TENM2: variants seen among roughly 807,000 people sequenced by gnomAD.
The protein encoded by TENM2 is teneurin transmembrane protein 2.
Under a neutral mutation model 245.2 loss-of-function variants are expected in TENM2, and 52 were observed. The ratio of observed to expected loss-of-function variants is 0.21; its 90% CI spans 0.17 to 0.27. The LOEUF is 0.27. Ranked by LOEUF, TENM2 falls within the 10% of genes least tolerant of loss-of-function variation. TENM2 has a pLI of 1.00. For missense variants in TENM2, 3,046 were observed against 3,666.8 expected (o/e 0.83, Z 4.37); for synonymous variants, 1,363 against 1,438.9 (o/e 0.95, Z 1.19).
intron 13 of TENM2, among the ~76,000 whole-genome samples, chr5:168,181,237 G>A (rs1196405707): frequency 6.6e-6 from 1 of 152,198 alleles, no homozygotes; most frequent in African/African-American, 2.4e-5. Flanking sequence ...TTTGTTTTTG[G>A]TTTTTGTCCA....
intron 1 of TENM2, among the ~76,000 whole-genome samples, chr5:167,372,665 G>A (rs1448595429): frequency 1.3e-5 from 2 of 152,218 alleles, no homozygotes; most frequent in Admixed American, 6.5e-5. Flanking sequence ...ATGTGTTTTA[G>A]TTTGGGTTTT....
At chr5:167,075,969 C>G in the TENM2 span, among the ~76,000 whole-genome samples, 1 of 152,170 alleles carries the variant, frequency 6.6e-6, no homozygotes, top group Non-Finnish European at 1.5e-5. Context: ...ATAAGCCAGT[C>G]TTTTCCCAGG....
chr5:167,290,594 G>C (rs116786976), intron 1 of TENM2, among the ~76,000 whole-genome samples: 439 of 152,062 alleles, frequency 2.9e-3, no homozygotes, highest in African/African-American at 9.8e-3. Context: ...CTTTTTTCCA[G>C]CTTGTTCATA....
At chr5:168,125,933 T>C (rs1795816455) in intron 11 of TENM2, among the ~76,000 whole-genome samples, 1 of 151,980 alleles carries the variant, frequency 6.6e-6, no homozygotes, top group African/African-American at 2.4e-5. Flanking sequence ...TTTGAGTGAG[T>C]CACTGGCCCC....
chr5:167,287,227 A>C (rs1321502676), intron 1 of TENM2: 9 of 152,246 alleles, frequency 5.9e-5, no homozygotes, highest in Admixed American at 4.6e-4. Flanking sequence ...AACAGGAGAT[A>C]CAATCTGGCA....
At chr5:167,035,909 A>G in the TENM2 span, among the ~76,000 whole-genome samples, 257 of 152,112 alleles carry the variant, frequency 1.7e-3, no homozygotes, top group Non-Finnish European at 3.1e-3. Flanking sequence ...CGCCCAGATA[A>G]TTTTTGTATT....
intron 1 of TENM2, among the ~76,000 whole-genome samples, chr5:167,330,129 T>C (rs1190022806): frequency 6.6e-6 from 1 of 152,184 alleles, no homozygotes; most frequent in African/African-American, 2.4e-5. Flanking sequence ...TGTTTCCTTA[T>C]AGTATAAAAG....
intron 2 of TENM2, among the ~76,000 whole-genome samples, chr5:167,795,848 A>C (rs1765278639): frequency 6.6e-6 from 1 of 152,224 alleles, no homozygotes; most frequent in Admixed American, 6.5e-5. Context: ...AACGTTGAGA[A>C]GACTTCGAGG....
the TENM2 span, among the ~76,000 whole-genome samples, chr5:167,184,123 A>T: frequency 6.6e-6 from 1 of 152,228 alleles, no homozygotes; most frequent in South Asian, 2.1e-4. Flanking sequence ...GAATTATACT[A>T]ATTCCTGTTG....
intron 2 of TENM2, among the ~76,000 whole-genome samples, chr5:167,697,875 A>G (rs1213994794): frequency 6.6e-6 from 1 of 152,170 alleles, no homozygotes; most frequent in Non-Finnish European, 1.5e-5. Context: ...TTGTGGACCT[A>G]CTATTCTATC....
intron 2 of TENM2, among the ~76,000 whole-genome samples, chr5:167,624,719 G>T (rs538676171): frequency 6.6e-6 from 1 of 152,216 alleles, no homozygotes; most frequent in South Asian, 2.1e-4. Context: ...TGATATTTTG[G>T]CTCTGCCAGT....
chr5:168,238,176 AGAGAGAGAGGGAGG>A (rs1452493207), intron 25 of TENM2, among the ~76,000 whole-genome samples: 6 of 78,038 alleles, frequency 7.7e-5, no homozygotes, highest in African/African-American at 1.8e-4. Flanking sequence ...AGAGAGAGAG[AGAGAGAGAGGGAGG>A]GAGGGAGGGA....
intron 12 of TENM2, among the ~76,000 whole-genome samples, chr5:168,152,522 A>C (rs939971581): frequency 6.6e-6 from 1 of 152,196 alleles, no homozygotes; most frequent in African/African-American, 2.4e-5. Context: ...AAGGATGCTC[A>C]GTGGGTGTAG....
intron 3 of TENM2, among the ~76,000 whole-genome samples, chr5:167,897,825 G>C (rs576596000): frequency 1.3e-5 from 2 of 151,318 alleles, no homozygotes; most frequent in South Asian, 4.2e-4. Flanking sequence ...ATGGTATGGA[G>C]AGAACGAAAC....
intron 2 of TENM2, among the ~76,000 whole-genome samples, chr5:167,733,993 T>C (rs1380962013): frequency 6.6e-6 from 1 of 152,158 alleles, no homozygotes. Flanking sequence ...TGTAGTGAGA[T>C]CTTGACCCCA....
chr5:167,060,238 G>A, the TENM2 span, among the ~76,000 whole-genome samples: 1 of 151,952 alleles, frequency 6.6e-6, no homozygotes, highest in East Asian at 1.9e-4. Flanking sequence ...CCTCTGCCTT[G>A]TAAAGTGTAT....
chr5:168,113,527 G>C (rs1380985418), intron 9 of TENM2, among the ~76,000 whole-genome samples: 1 of 148,590 alleles, frequency 6.7e-6, no homozygotes, highest in Non-Finnish European at 1.5e-5. Context: ...TTTACTGCAA[G>C]CTCCAAGTGG....
the TENM2 span, among the ~76,000 whole-genome samples, chr5:167,123,699 TA>T: frequency 6.6e-6 from 1 of 152,192 alleles, no homozygotes; most frequent in Non-Finnish European, 1.5e-5. Flanking sequence ...TTGCATTTCA[TA>T]ATCTCCCAGT....
chr5:167,656,221 G>A (rs1026770791), intron 2 of TENM2, among the ~76,000 whole-genome samples: 1 of 152,140 alleles, frequency 6.6e-6, no homozygotes, highest in Non-Finnish European at 1.5e-5. Context: ...CATTGGAAGG[G>A]CAGCAGAGGT....
Sources: gnomAD v4.1 joint callset for allele counts (sites outside exome capture counted in the v4.1 genomes callset) on GRCh38, gnomAD v4.1.1 for gene constraint, MANE v1.5 for transcripts, NCBI Gene and HGNC (gene_info 2026-07-23, HGNC 2026-07-21) for gene names.